ABLIM2: variants seen among roughly 807,000 people sequenced by gnomAD.
The protein encoded by ABLIM2 is actin binding LIM protein family member 2, also known as actin-binding LIM protein 2.
Under a neutral mutation model 97.7 loss-of-function variants are expected in ABLIM2, and 53 were observed. The ratio of observed to expected loss-of-function variants is 0.54; its 90% CI spans 0.44 to 0.68. The LOEUF is 0.68. Ranked by LOEUF, ABLIM2 falls within the 30% of genes least tolerant of loss-of-function variation. The pLI is 0.00. For missense variants in ABLIM2, 835 were observed against 867.2 expected (o/e 0.96, Z 0.47); for synonymous variants, 361 against 345.8 (o/e 1.04, Z -0.49).
chr4:7,968,637 T>C lies in ABLIM2; in HGVS notation c.1825-1534A>G, dbSNP rs144762438. On this transcript the variant is annotated intron_variant, in intron 20 of 20. Transcript: ENST00000447017. The stretch of plus-strand genomic sequence containing the variant: ...GAAGTGTCCGGAACAGGCAAGTCCA[T>C]AGAGACAGAGCATGGATTCGTGGTC... Among the ~76,000 whole-genome samples the C allele has an allele frequency of 8.5e-4, 130 of 152,248 alleles. 1 individual carries two copies. The highest frequency in any genetic ancestry group is 6.8e-3 in the Middle Eastern group (2 of 294).
In ABLIM2 at chr4:8,020,289, G is replaced by A. The variant is rs200296927; in HGVS notation, c.1282C>T (p.Arg428Trp). Residue 428 changes from arginine (R) to tryptophan (W), a missense_variant, in exon 13 of 21, where the codon CGG (arginine) becomes TGG (tryptophan). Physicochemically the swap from Arg to Trp is moderately radical, Grantham distance 101. Coordinates refer to ENST00000447017, the MANE Select transcript of ABLIM2 (RefSeq NM_001130083.2). ...AGCACGGAGAGGCTGGGGGTGCTCC[G>A]GCCACTTTCACTGCCTCCAGACGGA... is the stretch of plus-strand genomic sequence containing the variant. ...IPYFRGSESG[R>W]STPSLSVLSD... 4.2e-4 allele frequency: 679 copies of A among 1,613,522 alleles called. 1 individual carries two copies. Among genetic ancestry groups the A allele is most frequent in the Non-Finnish European group, 5.3e-4 (628 of 1,179,742 alleles).
At chr4:8,041,718 C>T (rs771134885) in intron 9 of ABLIM2, among the ~76,000 whole-genome samples, 11 of 151,882 alleles carry the variant, frequency 7.2e-5, no homozygotes, top group South Asian at 2.1e-4. Context: ...CTGGCTAACA[C>T]GGTGAAACCC....
chr4:8,036,812 C>G (rs572454296), intron 9 of ABLIM2, among the ~76,000 whole-genome samples: 8 of 152,160 alleles, frequency 5.3e-5, no homozygotes, highest in African/African-American at 1.7e-4. Context: ...TGTACATGCA[C>G]GCACACGTAC....
At chr4:8,108,452 C>T (rs1160146776) in intron 1 of ABLIM2, among the ~76,000 whole-genome samples, 1 of 152,242 alleles carries the variant, frequency 6.6e-6, no homozygotes, top group Non-Finnish European at 1.5e-5. Flanking sequence ...GGAGTCAAGT[C>T]CGGCCACGGT....
At chr4:8,007,828 A>G in intron 16 of ABLIM2, 3 of 1,332,646 alleles carry the variant, frequency 2.3e-6, no homozygotes, top group Non-Finnish European at 2.9e-6. Context: ...GTGAGGGGAC[A>G]TGCAGGCGTG....
intron 14 of ABLIM2, chr4:8,010,784 C>T (rs558231378): frequency 3.5e-5 from 6 of 171,990 alleles, no homozygotes; most frequent in South Asian, 1.9e-4. Context: ...GACGCATGCC[C>T]GCAGCTGGAC....
chr4:8,033,821 G>A lies in ABLIM2; in HGVS notation c.1047+2328C>T, dbSNP rs932577871. On this transcript the variant is annotated intron_variant, in intron 10 of 20. Coordinates refer to ENST00000447017, the MANE Select transcript of ABLIM2 (RefSeq NM_001130083.2). This position sits in a 1 kb window ranked among gnomAD's most constrained non-coding sequence, Gnocchi z 4.5. ...AACAGCTAAGGGCCCGTGTCCACTT[G>A]GGCCTGGAAGCTGTGTCCTGGTCAT... 2.0e-5 allele frequency among the ~76,000 whole-genome samples: 3 copies of A among 152,232 alleles called. No homozygotes were observed. Among genetic ancestry groups the A allele is most frequent in the African/African-American group, 7.2e-5 (3 of 41,460 alleles).
chr4:8,035,042 G>A (rs1579305055), intron 10 of ABLIM2, among the ~76,000 whole-genome samples: 1 of 138,090 alleles, frequency 7.2e-6, no homozygotes, highest in African/African-American at 2.7e-5. Flanking sequence ...GCAGGTGGGT[G>A]ATGGGTGGTA....
chr4:8,042,890 C>G (rs1010651776), intron 9 of ABLIM2, among the ~76,000 whole-genome samples: 1 of 147,906 alleles, frequency 6.8e-6, no homozygotes, highest in East Asian at 2.0e-4. Context: ...ATGACTCAAA[C>G]CTATAATCCC....
chr4:8,009,643 G>C (rs903876768), intron 14 of ABLIM2, among the ~76,000 whole-genome samples: 1 of 152,074 alleles, frequency 6.6e-6, no homozygotes, highest in South Asian at 2.1e-4. Context: ...TAATCCACGT[G>C]CCTCAGCCTC....
intron 1 of ABLIM2, among the ~76,000 whole-genome samples, chr4:8,133,270 A>AG (rs1203559937): frequency 6.6e-6 from 1 of 152,198 alleles, no homozygotes; most frequent in African/African-American, 2.4e-5. Context: ...TCACATGCAG[A>AG]GGGGTCAGGG....
At chr4:8,100,173 C>T (rs1047005060) in intron 2 of ABLIM2, among the ~76,000 whole-genome samples, 20 of 152,132 alleles carry the variant, frequency 1.3e-4, no homozygotes, top group African/African-American at 4.3e-4. Flanking sequence ...CTTTTCCCGC[C>T]CTTTGACCCA....
At chr4:8,104,618 A>G (rs1264869675) in intron 2 of ABLIM2, among the ~76,000 whole-genome samples, 1 of 151,886 alleles carries the variant, frequency 6.6e-6, no homozygotes, top group East Asian at 1.9e-4. Flanking sequence ...GATTCAGGGC[A>G]CTCCCACTCC....
chr4:8,144,952 C>T (rs927135964), intron 1 of ABLIM2, among the ~76,000 whole-genome samples: 14 of 152,326 alleles, frequency 9.2e-5, no homozygotes, highest in African/African-American at 3.4e-4. Flanking sequence ...TCTGGGGAGG[C>T]GGCAGCACTG....
At chr4:7,981,093 A>G (rs779914942) in intron 20 of ABLIM2, among the ~76,000 whole-genome samples, 1 of 151,668 alleles carries the variant, frequency 6.6e-6, no homozygotes, top group Non-Finnish European at 1.5e-5. Context: ...ATAGGTGCCC[A>G]CCACAATGCC....
rs1296443812 is a variant in ABLIM2, at chr4:8,130,754, C to T, written c.11-24117G>A. Among the ~76,000 whole-genome samples the T allele has an allele frequency of 6.6e-6, 1 of 152,124 alleles. No homozygotes were observed. The highest frequency in any genetic ancestry group is 1.9e-4 in the East Asian group (1 of 5,186). On this transcript the variant is annotated intron_variant, in intron 1 of 20. Transcript: ENST00000447017. This position sits in a 1 kb window ranked among gnomAD's most constrained non-coding sequence, Gnocchi z 4.2. ...CCAGGGAGGGGAGAGACGGTCTGGG[C>T]AGAGAGCAGTACAACAAGGACAGGA...
intron 6 of ABLIM2, among the ~76,000 whole-genome samples, chr4:8,066,899 GAATGTCACCTC>G (rs1425382193): frequency 7.2e-5 from 11 of 152,208 alleles, no homozygotes; most frequent in African/African-American, 2.7e-4. Context: ...TACGTTACGT[GAATGTCACCTC>G]AACTTTTTAA....
intron 20 of ABLIM2, among the ~76,000 whole-genome samples, chr4:7,968,804 A>G (rs558537146): frequency 1.3e-5 from 2 of 152,178 alleles, no homozygotes; most frequent in Non-Finnish European, 2.9e-5. Flanking sequence ...TGGTGGCACA[A>G]TGTTGTGAAT....
In ABLIM2 at chr4:8,122,613, A is replaced by T. The variant is rs956658183; in HGVS notation, c.11-15976T>A. 1.3e-5 allele frequency among the ~76,000 whole-genome samples: 2 copies of T among 152,040 alleles called. No homozygotes were observed. Among genetic ancestry groups the T allele is most frequent in the African/African-American group, 4.8e-5 (2 of 41,418 alleles). On this transcript the variant is annotated intron_variant, in intron 1 of 20. Coordinates refer to ENST00000447017, the MANE Select transcript of ABLIM2 (RefSeq NM_001130083.2). The surrounding 1 kb of genome is among the most constrained non-coding windows in gnomAD (Gnocchi z 4.1). ...CCTCCCCAAGGCCCCTCCTCCAAAT[A>T]GCGTCACCCTGGGGGTTTGGGCTTC...
Sources: allele counts gnomAD v4.1 joint callset (sites outside exome capture counted in the v4.1 genomes callset), GRCh38; gene constraint gnomAD v4.1.1; non-coding constraint Gnocchi (gnomAD v3.1); transcripts MANE v1.5; gene names NCBI Gene and HGNC (gene_info 2026-07-23, HGNC 2026-07-21).